Variants in GALNT18 observed in about 807,000 individuals in gnomAD.
The protein encoded by GALNT18 is GalNAc-transferase 18.
Under a neutral mutation model 69.5 loss-of-function variants are expected in GALNT18, and 44 were observed. The observed-to-expected ratio is 0.63, with a 90% CI of 0.50 to 0.81. GALNT18 has a LOEUF of 0.81. GALNT18 is among the 40% of genes least tolerant of loss of function. The pLI, the probability that GALNT18 is intolerant of heterozygous loss-of-function variation, is 0.00. For missense variants in GALNT18, 715 were observed against 810.0 expected, an observed-to-expected ratio of 0.88 and a Z score of 1.42; for synonymous variants, 364 against 318.2, an observed-to-expected ratio of 1.14 and a Z score of -1.53.
rs1416544371 is a variant in GALNT18 at position 11,436,250 on chromosome 11, A to G, written c.429-3463T>C. Among the ~76,000 whole-genome samples, 1 of 152,228 alleles carries G rather than the reference A, an allele frequency of 6.6e-6. No homozygotes were observed. Among genetic ancestry groups the G allele is most frequent in the Admixed American group, 6.5e-5 (1 of 15,286 alleles). On this transcript the variant is annotated intron_variant, in intron 2 of 10. Transcript: ENST00000227756. This position sits in a 1 kb window ranked among gnomAD's most constrained non-coding sequence, Gnocchi z 4.5. ...CTCTGCTCTATGTCTTGGTCACAGA[A>G]TAAGGAAATGGGAAGAAAGGATCAC...
At chr11:11,287,785 C>CTG (rs553903970) in intron 10 of GALNT18, among the ~76,000 whole-genome samples, 18 of 152,136 alleles carry the variant, frequency 1.2e-4, no homozygotes, top group Non-Finnish European at 2.2e-4. Flanking sequence ...GAGACATCAG[C>CTG]TGTTTAGGGA....
In GALNT18 at chr11:11,339,557, C is replaced by T. The variant is rs1324314632; in HGVS notation, c.1278+1262G>A. On this transcript the variant is annotated intron_variant, in intron 7 of 10. Coordinates refer to ENST00000227756, the MANE Select transcript of GALNT18 (RefSeq NM_198516.3). The surrounding 1 kb of genome is among the most constrained non-coding windows in gnomAD (Gnocchi z 5.2). Reference sequence around the variant, plus strand: ...ACAGGACACCTACCACAGGGCTTGGCACCCCGTGCAGAATACCGTGATTCA... The same window carrying T: ...ACAGGACACCTACCACAGGGCTTGGTACCCCGTGCAGAATACCGTGATTCA... 6.6e-6 allele frequency among the ~76,000 whole-genome samples: 1 copy of T among 152,158 alleles called. No homozygotes were observed. The highest frequency in any genetic ancestry group is 1.5e-5 in the Non-Finnish European group (1 of 68,022).
At chr11:11,443,678 A>T (rs1855581843) in intron 2 of GALNT18, among the ~76,000 whole-genome samples, 1 of 152,102 alleles carries the variant, frequency 6.6e-6, no homozygotes, top group South Asian at 2.1e-4. Context: ...CAACCCTGAG[A>T]CTAGGTATCT....
chr11:11,348,665 G>C (rs1480996789), intron 6 of GALNT18, among the ~76,000 whole-genome samples: 1 of 152,150 alleles, frequency 6.6e-6, no homozygotes, highest in Non-Finnish European at 1.5e-5. Flanking sequence ...GTTATGTCCA[G>C]TTATGCCATG....
At chr11:11,285,390 A>G (rs751602061) in intron 10 of GALNT18, among the ~76,000 whole-genome samples, 4 of 152,206 alleles carry the variant, frequency 2.6e-5, no homozygotes, top group Non-Finnish European at 4.4e-5. Flanking sequence ...TATAAAACAG[A>G]GTAGTGCAGG....
intron 8 of GALNT18, among the ~76,000 whole-genome samples, chr11:11,331,635 C>T (rs1272136741): frequency 1.3e-5 from 2 of 152,194 alleles, no homozygotes; most frequent in Admixed American, 1.3e-4. Context: ...GGACACTCTC[C>T]AAAGGGAGGA....
chr11:11,514,468 T>C (rs1488915984), intron 1 of GALNT18, among the ~76,000 whole-genome samples: 1 of 152,176 alleles, frequency 6.6e-6, no homozygotes, highest in Non-Finnish European at 1.5e-5. Context: ...TCACCAATCC[T>C]GGCATCTCTG....
Position 11,454,971 on chromosome 11 carries a change from C to T in GALNT18, c.236-6035G>A, listed in dbSNP as rs1041659319. On this transcript the variant is annotated intron_variant, in intron 1 of 10. Coordinates refer to ENST00000227756, the MANE Select transcript of GALNT18 (RefSeq NM_198516.3). The surrounding 1 kb of genome is among the most constrained non-coding windows in gnomAD (Gnocchi z 4.2). ...ACATTAACAGGCAAACAGGCTGACT[C>T]CTTCCTCATTGTTGACATTGAAATT... Among the ~76,000 whole-genome samples, 1 of 152,192 alleles carries T rather than the reference C, an allele frequency of 6.6e-6. No homozygotes were observed. The highest frequency in any genetic ancestry group is 1.5e-5 in the Non-Finnish European group (1 of 68,036).
At position 11,444,606 on chromosome 11, in the gene GALNT18, T is replaced by TGC. The variant is rs1241559104; in HGVS notation, c.428+4137_428+4138insGC. 7.2e-5 allele frequency among the ~76,000 whole-genome samples: 11 copies of TGC among 152,246 alleles called. No homozygotes were observed. In the East Asian group the frequency reaches 1.9e-3, roughly 27 times the overall value. On this transcript the variant is annotated intron_variant, in intron 2 of 10. Coordinates refer to ENST00000227756, the MANE Select transcript of GALNT18 (RefSeq NM_198516.3). This position sits in a 1 kb window ranked among gnomAD's most constrained non-coding sequence, Gnocchi z 4.4. ...AAGGCACTGGCACAGCATGGTCCTA[T>TGC]CTCAGCCACATGACAAGCTGGGTCA...
At chr11:11,272,824 G>T (rs1470399778) in intron 10 of GALNT18, among the ~76,000 whole-genome samples, 3 of 152,150 alleles carry the variant, frequency 2.0e-5, no homozygotes, top group African/African-American at 7.2e-5. Context: ...AGTGGGAAGT[G>T]CACTGAGAGA....
Position 11,452,233 on chromosome 11 carries a change from T to G in GALNT18, c.236-3297A>C, listed in dbSNP as rs558489810. 2.0e-5 allele frequency among the ~76,000 whole-genome samples: 3 copies of G among 152,194 alleles called. No homozygotes were observed. The South Asian group carries it at 6.2e-4, about 31-fold the overall frequency. ...TTGGTTAAGAACACTGGCTGTGGAG[T>G]CAGAATCCTAGGGTTTATCCTCCAG... On this transcript the variant is annotated intron_variant, in intron 1 of 10. Transcript: ENST00000227756.
chr11:11,329,238 T>C (rs1000304131), intron 8 of GALNT18, among the ~76,000 whole-genome samples: 3 of 152,242 alleles, frequency 2.0e-5, no homozygotes, highest in Non-Finnish European at 2.9e-5. Context: ...AATTGTTGGC[T>C]GCTATTATTA....
At chr11:11,471,755 C>T (rs1856275287) in intron 1 of GALNT18, among the ~76,000 whole-genome samples, 1 of 152,172 alleles carries the variant, frequency 6.6e-6, no homozygotes, top group African/African-American at 2.4e-5. Flanking sequence ...ATAAGGTAGG[C>T]AGGATAGAAA....
At chr11:11,366,345 T>C (rs926946258) in intron 6 of GALNT18, among the ~76,000 whole-genome samples, 3 of 152,298 alleles carry the variant, frequency 2.0e-5, no homozygotes, top group South Asian at 4.1e-4. Flanking sequence ...CCTTAAAAAA[T>C]AAAGCACTAC....
intron 1 of GALNT18, among the ~76,000 whole-genome samples, chr11:11,473,194 T>C (rs1856311776): frequency 6.6e-6 from 1 of 152,140 alleles, no homozygotes; most frequent in African/African-American, 2.4e-5. Flanking sequence ...CATTATTAAG[T>C]AAAATTAAAT....
At chr11:11,467,924 T>C (rs1354398844) in intron 1 of GALNT18, among the ~76,000 whole-genome samples, 1 of 152,144 alleles carries the variant, frequency 6.6e-6, no homozygotes. Flanking sequence ...AGACTACAGA[T>C]CACCCCGAGA....
intron 3 of GALNT18, among the ~76,000 whole-genome samples, chr11:11,395,227 C>T (rs951543259): frequency 1.3e-5 from 2 of 152,168 alleles, no homozygotes; most frequent in African/African-American, 2.4e-5. Flanking sequence ...GACAAGTTTA[C>T]AATGCTGCTG....
At chr11:11,438,964 C>T (rs1855473952) in intron 2 of GALNT18, among the ~76,000 whole-genome samples, 1 of 152,070 alleles carries the variant, frequency 6.6e-6, no homozygotes, top group Non-Finnish European at 1.5e-5. Flanking sequence ...CTCCATTTGA[C>T]TCACAATTAA....
Position 11,383,807 on chromosome 11 carries a change from G to A in GALNT18, c.596-4543C>T, listed in dbSNP as rs1231480149. Reference sequence around the variant, plus strand: ...TCTCATGAGATCTGATGGTTTAAGTGTGGCACTTCCTCTCTCTCTCTCTCT... The same window carrying A: ...TCTCATGAGATCTGATGGTTTAAGTATGGCACTTCCTCTCTCTCTCTCTCT... On this transcript the variant is annotated intron_variant, in intron 3 of 10. Transcript: ENST00000227756. This position sits in a 1 kb window ranked among gnomAD's most constrained non-coding sequence, Gnocchi z 5.2. Among the ~76,000 whole-genome samples the A allele has an allele frequency of 6.9e-6, 1 of 144,284 alleles. No homozygotes were observed. Among genetic ancestry groups the A allele is most frequent in the Non-Finnish European group, 1.5e-5 (1 of 65,674 alleles). 94.7% of individuals were successfully genotyped at this position (144,284 alleles called of 152,430 possible). A position where few individuals can be genotyped will look rare whatever the true frequency, so the allele number is the denominator to read the frequency against.
Sources: gnomAD v4.1 joint callset for allele counts (sites outside exome capture counted in the v4.1 genomes callset) on GRCh38, gnomAD v4.1.1 for gene constraint, Gnocchi (gnomAD v3.1) non-coding constraint, MANE v1.5 for transcripts, NCBI Gene and HGNC (gene_info 2026-07-23, HGNC 2026-07-21) for gene names.